The following ADAM2 variants were observed in gnomAD, a reference collection of about 807,000 sequenced individuals.
ADAM2 encodes ADAM metallopeptidase domain 2.
ADAM2 carries 101 observed loss-of-function variants against 99.3 expected under a neutral mutation model. The ratio of observed to expected loss-of-function variants is 1.02; its 90% CI spans 0.87 to 1.20. ADAM2 has a LOEUF of 1.20. ADAM2 is among the 50% of genes most tolerant of loss of function. The probability of loss-of-function intolerance (pLI) is 0.00; values close to 1 mark genes in which losing one functional copy is unlikely to be tolerated. For synonymous variants in ADAM2, 323 were observed against 287.6 expected (o/e 1.12, Z -1.25); for missense variants, 948 against 878.7 (o/e 1.08, Z -1.00).
intron 15 of ADAM2, among the ~76,000 whole-genome samples, chr8:39,759,418 T>C (rs978581439): frequency 6.6e-6 from 1 of 152,022 alleles, no homozygotes; most frequent in Non-Finnish European, 1.5e-5. Context: ...TAAAAATACA[T>C]TAGGAGTAAA....
chr8:39,769,268 G>A (rs1802684541), intron 12 of ADAM2, 124 bp downstream of exon 12: 1 of 665,184 alleles, frequency 1.5e-6, no homozygotes, highest in Admixed American at 2.8e-5. Flanking sequence ...ATACCTACAT[G>A]CCCTCCTGAA....
intron 1 of ADAM2, 149 bp from the exon 2 acceptor site, chr8:39,837,361 G>GA: frequency 2.0e-6 from 1 of 512,684 alleles, no homozygotes; most frequent in Non-Finnish European, 3.2e-6. Flanking sequence ...ATACAAGGAG[G>GA]TTTTTTTTTC....
intron 10 of ADAM2, among the ~76,000 whole-genome samples, chr8:39,784,193 G>GTT (rs1803357517): frequency 6.6e-6 from 1 of 152,092 alleles, no homozygotes; most frequent in South Asian, 2.1e-4. Context: ...TGTGAACATT[G>GTT]TTTATAGCTG....
intron 4 of ADAM2, among the ~76,000 whole-genome samples, chr8:39,824,052 G>A (rs1387420425): frequency 6.6e-6 from 1 of 152,112 alleles, no homozygotes; most frequent in Non-Finnish European, 1.5e-5. Context: ...GGGAGGCCAA[G>A]GCAGGTGGAT....
rs376856291 is a variant in ADAM2 at position 39,769,581 on chromosome 8, G to A, written c.1029-6C>T. 4 of 1,604,978 alleles carry A rather than the reference G, an allele frequency of 2.5e-6. No homozygotes were observed. The highest frequency in any genetic ancestry group is 3.4e-6 in the Non-Finnish European group (4 of 1,172,990). Reference sequence around the variant, plus strand: ...TCTTCACACCACTGAAATGACTAAAGACACATCAAACGTCAAATTTTAATG... The same window carrying A: ...TCTTCACACCACTGAAATGACTAAAAACACATCAAACGTCAAATTTTAATG... On this transcript the variant is annotated splice_polypyrimidine_tract_variant and splice_region_variant and intron_variant, in intron 11 of 20. Coordinates refer to ENST00000265708, the MANE Select transcript of ADAM2 (RefSeq NM_001464.5).
chr8:39,799,113 C>G (rs1298042263), intron 7 of ADAM2, among the ~76,000 whole-genome samples: 1 of 152,046 alleles, frequency 6.6e-6, no homozygotes, highest in Admixed American at 6.6e-5. Context: ...GCCTCTCTAG[C>G]TCTTTTAATT....
chr8:39,821,756 G>T, intron 4 of ADAM2, 94 bp from the exon 5 acceptor site: 1 of 838,742 alleles, frequency 1.2e-6, no homozygotes, highest in Non-Finnish European at 1.9e-6. Context: ...TTGTTTTTAT[G>T]CATCAAACAC....
intron 3 of ADAM2, among the ~76,000 whole-genome samples, chr8:39,827,297 A>G (rs1411958852): frequency 6.6e-6 from 1 of 152,212 alleles, no homozygotes; most frequent in Non-Finnish European, 1.5e-5. Context: ...AATGTAAATT[A>G]GTACAACCAT....
At chr8:39,794,375 T>G (rs1257883079) in intron 7 of ADAM2, among the ~76,000 whole-genome samples, 1 of 152,142 alleles carries the variant, frequency 6.6e-6, no homozygotes, top group Non-Finnish European at 1.5e-5. Flanking sequence ...CATGTACACT[T>G]GTTTGTGGAT....
In ADAM2 at chr8:39,769,516, A is replaced by T; in HGVS notation, c.1088T>A (p.Ile363Asn). 6.2e-7 allele frequency: 1 copy of T among 1,613,880 alleles called. No homozygotes were observed. The highest frequency in any genetic ancestry group is 1.1e-5 in the South Asian group (1 of 91,078). Reference sequence around the variant, plus strand: ...AAGACACTGGGACTTCTGCTTTGAAATAAAATGTGCAAAGTCTTCGAAGCT... The same window carrying T: ...AAGACACTGGGACTTCTGCTTTGAATTAAAATGTGCAAAGTCTTCGAAGCT... ...NCSFEDFAHF[I>N]SKQKSQCLHN... Residue 363 changes from isoleucine to asparagine, a missense_variant, in exon 12 of 21, where the codon ATT becomes AAT. Transcript: ENST00000265708.
intron 19 of ADAM2, 89 bp from the exon 20 acceptor site, chr8:39,744,982 G>C (rs1823390364): frequency 9.6e-7 from 1 of 1,045,936 alleles, no homozygotes; most frequent in Admixed American, 2.2e-5. Context: ...AAACAGTTCT[G>C]AATTTTTACC....
intron 16 of ADAM2, among the ~76,000 whole-genome samples, chr8:39,753,549 G>A (rs141731815): frequency 1.4e-4 from 22 of 152,246 alleles, no homozygotes; most frequent in Admixed American, 7.2e-4. Flanking sequence ...GCATATCAGA[G>A]ACTTTCATGG....
In ADAM2 at chr8:39,746,597, T is replaced by A. The variant is rs142592344; in HGVS notation, c.2049A>T (p.Lys683Asn). The stretch of plus-strand genomic sequence containing the variant: ...ATAAGAAAAATGGCCATCTCATTGG[T>A]TTGGAATGGTAAATGTTCTCAATGT... ...RRYIENIYHS[K>N]PMRWPFFLFI... Residue 683 changes from lysine (K) to asparagine (N), a missense_variant, in exon 19 of 21, where the codon AAA (lysine) becomes AAT (asparagine). Transcript: ENST00000265708. The A allele has an allele frequency of 2.9e-3, 4,687 of 1,605,946 alleles. 16 individuals are homozygous for A. The highest frequency in any genetic ancestry group is 3.6e-3 in the Non-Finnish European group (4,231 of 1,177,250).
chr8:39,756,924 C>T (rs559868453), intron 15 of ADAM2, among the ~76,000 whole-genome samples: 1 of 152,198 alleles, frequency 6.6e-6, no homozygotes, highest in Non-Finnish European at 1.5e-5. Context: ...GAGAAACAAA[C>T]ATTGTCCAAG....
chr8:39,776,575 G>T (rs1802996682), intron 11 of ADAM2, among the ~76,000 whole-genome samples: 1 of 152,066 alleles, frequency 6.6e-6, no homozygotes. Context: ...GTTGAGGCCT[G>T]ATTAGAATAC....
intron 16 of ADAM2, among the ~76,000 whole-genome samples, chr8:39,752,880 C>T (rs1209028520): frequency 2.6e-5 from 4 of 152,126 alleles, no homozygotes; most frequent in Non-Finnish European, 5.9e-5. Flanking sequence ...GATTGTGAGG[C>T]CTCCCCAGCC....
chr8:39,746,605 G>A lies in ADAM2; in HGVS notation c.2041C>T (p.His681Tyr), dbSNP rs1823475880. ...AATGGCCATCTCATTGGTTTGGAAT[G>A]GTAAATGTTCTCAATGTAGCGCCTT... is the stretch of plus-strand genomic sequence containing the variant. The part of the protein sequence containing the change: ...PERRYIENIY[H>Y]SKPMRWPFFL... The change falls in exon 19 of 21, where the codon CAT becomes TAT. Residue 681 changes from histidine (H) to tyrosine (Y), a missense_variant. By Grantham distance (83) the His-to-Tyr change is moderately conservative. Coordinates refer to ENST00000265708, the MANE Select transcript of ADAM2 (RefSeq NM_001464.5). 1 of 1,600,852 alleles carries A rather than the reference G, an allele frequency of 6.2e-7. No homozygotes were observed. Among genetic ancestry groups the A allele is most frequent in the African/African-American group, 1.4e-5 (1 of 73,818 alleles).
intron 7 of ADAM2, among the ~76,000 whole-genome samples, chr8:39,803,847 T>G (rs1804316984): frequency 6.6e-6 from 1 of 152,206 alleles, no homozygotes; most frequent in Non-Finnish European, 1.5e-5. Context: ...CGATTATCTT[T>G]GCTTATTTGT....
chr8:39,770,024 G>C (rs1802719350), intron 11 of ADAM2, among the ~76,000 whole-genome samples: 2 of 142,456 alleles, frequency 1.4e-5, no homozygotes, highest in African/African-American at 5.3e-5. Context: ...TCTGCTCACT[G>C]CAATGTCCAT....
Sources: gnomAD v4.1 joint callset for allele counts (sites outside exome capture counted in the v4.1 genomes callset) on GRCh38, gnomAD v4.1.1 for gene constraint, MANE v1.5 for transcripts, NCBI Gene and HGNC (gene_info 2026-07-23, HGNC 2026-07-21) for gene names.